Variants in ARHGEF17 observed in about 807,000 individuals in gnomAD.
The protein encoded by ARHGEF17 is Rho guanine nucleotide exchange factor 17.
ARHGEF17 carries 80 observed loss-of-function variants against 174.0 expected under a neutral mutation model. The ratio of observed to expected loss-of-function variants is 0.46; its 90% CI spans 0.38 to 0.55. The LOEUF (loss-of-function observed/expected upper bound fraction) is 0.55, where lower values mean the gene tolerates loss of function less well. Among genes scored for constraint, ARHGEF17 ranks in the 20% least tolerant of loss-of-function variants. ARHGEF17 has a pLI of 0.00. For synonymous variants in ARHGEF17, 1,311 were observed against 1,189.1 expected (o/e 1.10, Z -2.11); for missense variants, 2,886 against 2,839.7 (o/e 1.02, Z -0.37).
At chr11:73,323,274 C>T (rs1206235102) in intron 1 of ARHGEF17, among the ~76,000 whole-genome samples, 4 of 152,192 alleles carry the variant, frequency 2.6e-5, no homozygotes, top group Non-Finnish European at 4.4e-5. Context: ...TAACCTAAGA[C>T]AAGTCCCTCT....
chr11:73,365,328 G>T lies in ARHGEF17; in HGVS notation c.5551-62G>T. 4 of 1,587,922 alleles carry T rather than the reference G, an allele frequency of 2.5e-6. No homozygotes were observed. The highest frequency in any genetic ancestry group is 2.6e-6 in the Non-Finnish European group (3 of 1,162,506). ...GGGATGGACACTGGTGAAGCTCCAG[G>T]CTAGGGTGGGCCAAGGGAGGCAGGC... On this transcript the variant is annotated intron_variant, in intron 18 of 20. Transcript: ENST00000263674. The surrounding 1 kb of genome is among the most constrained non-coding windows in gnomAD (Gnocchi z 4.9).
chr11:73,325,599 C>G (rs550268788), intron 1 of ARHGEF17, among the ~76,000 whole-genome samples: 1 of 152,340 alleles, frequency 6.6e-6, no homozygotes, highest in East Asian at 1.9e-4. Flanking sequence ...CAGCAGATTT[C>G]CATACCCACA....
At chr11:73,311,871 G>A in intron 1 of ARHGEF17, 41 bp downstream of exon 1, 1 of 1,549,154 alleles carries the variant, frequency 6.5e-7, no homozygotes, top group Non-Finnish European at 8.7e-7. Context: ...GGCCAAAGAA[G>A]GGCCATGGGC....
intron 1 of ARHGEF17, among the ~76,000 whole-genome samples, chr11:73,345,870 G>C (rs1865451712): frequency 6.6e-6 from 1 of 152,194 alleles, no homozygotes; most frequent in Admixed American, 6.5e-5. Flanking sequence ...CAGGAGTGGA[G>C]TCTAGGGGTC....
chr11:73,333,620 G>A lies in ARHGEF17; in HGVS notation c.3193-13263G>A, dbSNP rs79190496. Among the ~76,000 whole-genome samples, 48 of 152,346 alleles carry A rather than the reference G, an allele frequency of 3.2e-4. No individual in the cohort carries two copies. The East Asian group carries it at 9.1e-3, about 29-fold the overall frequency. On this transcript the variant is annotated intron_variant, in intron 1 of 20. Transcript: ENST00000263674. ...TCCCTCGGCTCTGGGTTATGCCAGA[G>A]TCCCCAGGGGCAGGGCTGGAGTGAC...
chr11:73,320,821 T>C (rs549381326), intron 1 of ARHGEF17, among the ~76,000 whole-genome samples: 10 of 151,990 alleles, frequency 6.6e-5, no homozygotes, highest in African/African-American at 2.4e-4. Flanking sequence ...CCATCATGCC[T>C]GGCTAATTTT....
intron 1 of ARHGEF17, among the ~76,000 whole-genome samples, chr11:73,327,784 G>A (rs536293518): frequency 6.6e-6 from 1 of 152,274 alleles, no homozygotes; most frequent in African/African-American, 2.4e-5. Flanking sequence ...ACTCTCGGGG[G>A]ACAAGTACTT....
At position 73,360,377 on chromosome 11, in the gene ARHGEF17, A is replaced by G; in HGVS notation, c.4264A>G (p.Lys1422Glu). The G allele has an allele frequency of 6.2e-7, 1 of 1,613,876 alleles. No individual in the cohort carries two copies. Among genetic ancestry groups the G allele is most frequent in the East Asian group, 2.2e-5 (1 of 44,880 alleles). ...TGCCATGCACCGGGACCTGTCGGAG[A>G]AGCAGGCGCTGTGCTACGCGCTTTC... is the stretch of plus-strand genomic sequence containing the variant. ...SAAMHRDLSE[K>E]QALCYALSFP... The change falls in exon 11 of 21, where the codon AAG becomes GAG. Residue 1422 changes from lysine (K) to glutamate (E), a missense_variant. Lys to Glu is a moderately conservative substitution (Grantham distance 56). Around this residue, in one of 4 missense-constraint regions of ARHGEF17, gnomAD observed 476 missense variants for 473.1 expected, o/e 1.01. Transcript: ENST00000263674.
Position 73,365,418 on chromosome 11 carries a change from G to A in ARHGEF17, c.5579G>A (p.Ser1860Asn). The change falls in exon 19 of 21, where the codon AGC (serine) becomes AAC (asparagine). Residue 1860 changes from serine to asparagine, a missense_variant. Physicochemically the swap from Ser to Asn is conservative, Grantham distance 46. Transcript: ENST00000263674. The surrounding 1 kb of genome is among the most constrained non-coding windows in gnomAD (Gnocchi z 4.9). ...EHMFYVGQDSSRCVACMVDSS... is the reference protein window; with the variant it reads ...EHMFYVGQDSNRCVACMVDSS... ...ATGTTTTACGTGGGTCAGGATTCAA[G>A]CCGCTGCGTGGCTTGCATGGTGGAC... 6.2e-7 allele frequency: 1 copy of A among 1,613,994 alleles called. No homozygotes were observed. Among genetic ancestry groups the A allele is most frequent in the Non-Finnish European group, 8.5e-7 (1 of 1,180,034 alleles).
chr11:73,367,257 G>C (rs1222958041), intron 20 of ARHGEF17, among the ~76,000 whole-genome samples: 1 of 152,172 alleles, frequency 6.6e-6, no homozygotes, highest in Non-Finnish European at 1.5e-5. Flanking sequence ...TTTAATGCAA[G>C]GACGTTGCGT....
rs151308343 is a variant in ARHGEF17 at position 73,361,148 on chromosome 11, G to A, written c.4481G>A (p.Arg1494His). The change falls in exon 12 of 21, where the codon CGC becomes CAC. Residue 1494 changes from arginine to histidine, a missense_variant. Arg to His is a conservative substitution (Grantham distance 29). Around this residue, in one of 4 missense-constraint regions of ARHGEF17, gnomAD observed 476 missense variants for 473.1 expected, o/e 1.01. Coordinates refer to ENST00000263674, the MANE Select transcript of ARHGEF17 (RefSeq NM_014786.4). ...FLKAIPIMKTRSGMQFSCAAP... is the reference protein window; with the variant it reads ...FLKAIPIMKTHSGMQFSCAAP... Reference sequence around the variant, plus strand: ...AAGGCCATCCCCATCATGAAAACCCGCAGTGGCATGCAGGTATGTCTGCAT... The same window carrying A: ...AAGGCCATCCCCATCATGAAAACCCACAGTGGCATGCAGGTATGTCTGCAT... The A allele has an allele frequency of 1.6e-5, 26 of 1,614,062 alleles. No homozygotes were observed. The highest frequency in any genetic ancestry group is 1.6e-4 in the Middle Eastern group (1 of 6,062).
chr11:73,340,836 C>G (rs1172455459), intron 1 of ARHGEF17, among the ~76,000 whole-genome samples: 1 of 152,212 alleles, frequency 6.6e-6, no homozygotes, highest in Non-Finnish European at 1.5e-5. Flanking sequence ...ACCACTCAGT[C>G]AATTGGTCTG....
intron 16 of ARHGEF17, 84 bp from the exon 17 acceptor site, chr11:73,364,088 C>T (rs1865796204): frequency 2.1e-6 from 3 of 1,399,102 alleles, no homozygotes; most frequent in Admixed American, 3.4e-5. Context: ...GAGCCATACC[C>T]ATTCTATCTG....
intron 1 of ARHGEF17, among the ~76,000 whole-genome samples, chr11:73,319,456 C>T (rs757131906): frequency 2.0e-5 from 3 of 152,214 alleles, no homozygotes; most frequent in Non-Finnish European, 4.4e-5. Flanking sequence ...TCCTTAATTA[C>T]ACCTGCAAAG....
At chr11:73,364,366 G>A (rs1865802222) in intron 17 of ARHGEF17, 86 bp from the exon 18 acceptor site, 1 of 1,604,072 alleles carries the variant, frequency 6.2e-7, no homozygotes, top group East Asian at 2.2e-5. Context: ...CTTATAAAAG[G>A]GGAATGTTAA....
chr11:73,309,223 G>A lies in ARHGEF17; in HGVS notation c.585G>A (p.Gly195=), dbSNP rs746876093. 1.2e-6 allele frequency: 2 copies of A among 1,600,772 alleles called. No individual in the cohort carries two copies. The highest frequency in any genetic ancestry group is 1.7e-6 in the Non-Finnish European group (2 of 1,173,800). The change falls in exon 1 of 21, where the codon GGG becomes GGA. Residue 195 remains glycine, a synonymous_variant. Transcript: ENST00000263674. ...CCCTGACCGGGCCGGAGACCGAAGG[G>A]AGGCTGCGCCGGCCGCAGCAGCAAC... ...ARPLTGPETE[G]RLRRPQQQQE...
chr11:73,331,808 C>T (rs1865208096), intron 1 of ARHGEF17, among the ~76,000 whole-genome samples: 1 of 152,184 alleles, frequency 6.6e-6, no homozygotes, highest in South Asian at 2.1e-4. Flanking sequence ...CCAGCTCTCA[C>T]CTGGAGAATC....
intron 1 of ARHGEF17, among the ~76,000 whole-genome samples, chr11:73,331,696 A>G (rs1358980138): frequency 6.6e-6 from 1 of 152,194 alleles, no homozygotes; most frequent in Non-Finnish European, 1.5e-5. Context: ...TGGAAAAGGC[A>G]CAAAGTGCTG....
chr11:73,310,905 A>T lies in ARHGEF17; in HGVS notation c.2267A>T (p.Asp756Val). Residue 756 changes from aspartate to valine, a missense_variant, in exon 1 of 21, where the codon GAC (aspartate) becomes GTC (valine). By Grantham distance (152) the Asp-to-Val change is radical. Coordinates refer to ENST00000263674, the MANE Select transcript of ARHGEF17 (RefSeq NM_014786.4). Reference protein sequence around the residue: ...TSEEPTGFSVDSNLLGSLSPK... With the variant: ...TSEEPTGFSVVSNLLGSLSPK... ...GAAGAGCCTACTGGGTTCTCTGTGGACAGCAACCTCCTGGGCTCACTGAGC... is the reference window on the plus strand; with the variant it reads ...GAAGAGCCTACTGGGTTCTCTGTGGTCAGCAACCTCCTGGGCTCACTGAGC... 6.2e-7 allele frequency: 1 copy of T among 1,613,438 alleles called. No homozygotes were observed. Among genetic ancestry groups the T allele is most frequent in the Non-Finnish European group, 8.5e-7 (1 of 1,179,718 alleles).
Sources: gnomAD v4.1 joint callset for allele counts (sites outside exome capture counted in the v4.1 genomes callset) on GRCh38, gnomAD v4.1.1 for gene constraint, gnomAD v4.1.1 regional missense constraint, Gnocchi (gnomAD v3.1) non-coding constraint, MANE v1.5 for transcripts, NCBI Gene and HGNC (gene_info 2026-07-23, HGNC 2026-07-21) for gene names.